GNG7: variants seen among roughly 807,000 people sequenced by gnomAD.
GNG7 encodes the protein G protein subunit gamma 7.
A neutral mutation model predicts 4.0 loss-of-function variants in GNG7; 1 was observed. The ratio of observed to expected loss-of-function variants is 0.25; its 90% CI spans 0.09 to 1.18. The LOEUF is 1.18. Ranked by LOEUF, GNG7 falls within the 50% of genes most tolerant of loss-of-function variation. GNG7 has a pLI of 0.50. For missense variants in GNG7, 86 were observed against 91.9 expected (o/e 0.94, Z 0.26); for synonymous variants, 34 against 36.9 (o/e 0.92, Z 0.29).
At chr19:2,564,106 T>C (rs1979829195) in intron 2 of GNG7, among the ~76,000 whole-genome samples, 1 of 152,094 alleles carries the variant, frequency 6.6e-6, no homozygotes, top group Non-Finnish European at 1.5e-5. Context: ...AAAAAGAATG[T>C]GTATTGAATG....
intron 2 of GNG7, among the ~76,000 whole-genome samples, chr19:2,625,375 GTTTTTA>G (rs1981994824): frequency 1.3e-5 from 2 of 152,046 alleles, no homozygotes; most frequent in Admixed American, 6.6e-5. Context: ...CCCAGCCAGG[GTTTTTA>G]TTTTTATTTT....
chr19:2,543,986 C>A (rs1160363337), intron 3 of GNG7, among the ~76,000 whole-genome samples: 1 of 151,584 alleles, frequency 6.6e-6, no homozygotes, highest in Admixed American at 6.6e-5. Context: ...GGCAATCCCC[C>A]ACCTCTCACC....
intron 2 of GNG7, among the ~76,000 whole-genome samples, chr19:2,587,609 G>C (rs941244250): frequency 2.0e-5 from 3 of 152,134 alleles, no homozygotes; most frequent in African/African-American, 7.2e-5. Context: ...GGGGAGGCAG[G>C]CCTGGGCTGC....
chr19:2,658,693 T>C (rs1416771971), intron 1 of GNG7, among the ~76,000 whole-genome samples: 1 of 152,220 alleles, frequency 6.6e-6, no homozygotes, highest in Non-Finnish European at 1.5e-5. Flanking sequence ...AACTCCACGC[T>C]TAGGAGGTCC....
chr19:2,557,197 A>C lies in GNG7; in HGVS notation c.-77-2009T>G, dbSNP rs566260427. 6.6e-6 allele frequency among the ~76,000 whole-genome samples: 1 copy of C among 151,634 alleles called. No individual in the cohort carries two copies. The highest frequency in any genetic ancestry group is 6.6e-5 in the Admixed American group (1 of 15,238). ...ACGTACACACAAGACACGTGCACACACATTTGCATGCACACACAGACACAC... is the reference window on the plus strand; with the variant it reads ...ACGTACACACAAGACACGTGCACACCCATTTGCATGCACACACAGACACAC... On this transcript the variant is annotated intron_variant, in intron 2 of 4. Coordinates refer to ENST00000382159, the MANE Select transcript of GNG7 (RefSeq NM_052847.3). The surrounding 1 kb of genome is among the most constrained non-coding windows in gnomAD (Gnocchi z 5.1).
chr19:2,512,175 C>T lies in GNG7; in HGVS notation c.*2847G>A. The stretch of plus-strand genomic sequence containing the variant: ...CCCCCAAGGCTAGAGCTGCTGCTGC[C>T]ACCCCCGCCCGCCAGCTCCCCGTCT... On this transcript the variant is annotated 3_prime_UTR_variant, in exon 5 of 5. Coordinates refer to ENST00000382159, the MANE Select transcript of GNG7 (RefSeq NM_052847.3). The surrounding 1 kb of genome is among the most constrained non-coding windows in gnomAD (Gnocchi z 4.7). The T allele has an allele frequency of 1.0e-6, 1 of 985,878 alleles. No individual in the cohort carries two copies. Among genetic ancestry groups the T allele is most frequent in the East Asian group, 1.1e-4 (1 of 8,810 alleles). The allele number at this position is 985,878 out of a possible 1,614,324, so 61.1% of individuals were successfully genotyped here.
intron 1 of GNG7, among the ~76,000 whole-genome samples, chr19:2,683,277 C>T (rs943010271): frequency 6.6e-6 from 1 of 151,432 alleles, no homozygotes; most frequent in Non-Finnish European, 1.5e-5. Flanking sequence ...CTATGTTGCC[C>T]TAGGCCAGCC....
Position 2,701,473 on chromosome 19 carries a change from C to T in GNG7, c.-135+1173G>A, listed in dbSNP as rs80022112. The stretch of plus-strand genomic sequence containing the variant: ...ACAAGCTCCCCATTTCCCCTGATAG[C>T]CCCCAGACCCTTTCTGGAACAAGCC... On this transcript the variant is annotated intron_variant, in intron 1 of 4. Transcript: ENST00000382159. 5.3e-3 allele frequency among the ~76,000 whole-genome samples: 789 copies of T among 149,018 alleles called. 7 individuals are homozygous for T. Among genetic ancestry groups the T allele is most frequent in the African/African-American group, 0.018 (738 of 40,262 alleles).
At chr19:2,693,254 C>T (rs1463080883) in intron 1 of GNG7, among the ~76,000 whole-genome samples, 4 of 138,358 alleles carry the variant, frequency 2.9e-5, no homozygotes, top group Admixed American at 1.5e-4. Context: ...CCTATCTTTA[C>T]AAAAAAAAAA....
rs758748160 is a variant in GNG7 at position 2,626,355 on chromosome 19, T to G, written c.-78+19869A>C. Among the ~76,000 whole-genome samples the G allele has an allele frequency of 1.3e-5, 2 of 152,042 alleles. No homozygotes were observed. The highest frequency in any genetic ancestry group is 2.9e-5 in the Non-Finnish European group (2 of 67,976). On this transcript the variant is annotated intron_variant, in intron 2 of 4. Transcript: ENST00000382159. This position sits in a 1 kb window ranked among gnomAD's most constrained non-coding sequence, Gnocchi z 5.0. ...ATCTCTCACCCCCTCTGTGCCTCAG[T>G]TTCCTAATCTGTCACACAGGGAGGC...
At chr19:2,549,009 T>C (rs1302475151) in intron 3 of GNG7, among the ~76,000 whole-genome samples, 2 of 152,158 alleles carry the variant, frequency 1.3e-5, no homozygotes, top group African/African-American at 4.8e-5. Context: ...CCTGGGTCCC[T>C]GTTCCTGCCA....
intron 2 of GNG7, among the ~76,000 whole-genome samples, chr19:2,573,987 G>T (rs568354699): frequency 6.6e-6 from 1 of 152,228 alleles, no homozygotes. Flanking sequence ...CAGCTGCTGC[G>T]AGGTACGGCC....
chr19:2,592,741 A>AAGGGAAGGGG (rs1555696356), intron 2 of GNG7, among the ~76,000 whole-genome samples: 4,501 of 62,990 alleles, frequency 0.071, 571 homozygotes, highest in African/African-American at 0.27. Context: ...AGAGGGAAGG[A>AAGGGAAGGGG]AGGGGAGGGG....
chr19:2,639,974 GGGAGGGAGGGAAGGAAGAAAGAAGA>G (rs1268670146), intron 2 of GNG7, among the ~76,000 whole-genome samples: 1 of 66,904 alleles, frequency 1.5e-5, no homozygotes, highest in African/African-American at 6.2e-5. Context: ...GGAAGGAGGG[GGGAGGGAGGGAAGGAAGAAAGAAGA>G]GAGGGAGGGA....
At chr19:2,575,317 C>T (rs994063402) in intron 2 of GNG7, among the ~76,000 whole-genome samples, 1 of 152,188 alleles carries the variant, frequency 6.6e-6, no homozygotes, top group African/African-American at 2.4e-5. Context: ...TCAAGCAATC[C>T]TCCTGCCTCG....
chr19:2,573,521 A>G (rs1348582881), intron 2 of GNG7, among the ~76,000 whole-genome samples: 1 of 152,090 alleles, frequency 6.6e-6, no homozygotes, highest in Non-Finnish European at 1.5e-5. Context: ...AGAACGATCT[A>G]AAAGTGGGAT....
intron 1 of GNG7, among the ~76,000 whole-genome samples, chr19:2,689,311 G>C (rs1184422604): frequency 6.6e-6 from 1 of 151,630 alleles, no homozygotes; most frequent in Non-Finnish European, 1.5e-5. Context: ...TCTCATTATG[G>C]AGGCTACAGG....
Position 2,513,567 on chromosome 19 carries a change from C to T in GNG7, c.*1455G>A, listed in dbSNP as rs906027834. 14 of 985,534 alleles carry T rather than the reference C, an allele frequency of 1.4e-5. No individual in the cohort carries two copies. Among genetic ancestry groups the T allele is most frequent in the Non-Finnish European group, 1.6e-5 (13 of 830,010 alleles). The allele number at this position is 985,534 out of a possible 1,614,324, so 61.0% of individuals were successfully genotyped here. A position where few individuals can be genotyped will look rare whatever the true frequency, so the allele number is the denominator to read the frequency against. ...TTCCACTTGCCGCTGGGAGGAGTGGCCCATCCTGCGTCTAAGGCATCTCCC... is the reference window on the plus strand; with the variant it reads ...TTCCACTTGCCGCTGGGAGGAGTGGTCCATCCTGCGTCTAAGGCATCTCCC... On this transcript the variant is annotated 3_prime_UTR_variant, in exon 5 of 5. Coordinates refer to ENST00000382159, the MANE Select transcript of GNG7 (RefSeq NM_052847.3).
At chr19:2,624,824 TCCAGCCCATC>T (rs1207265920) in intron 2 of GNG7, among the ~76,000 whole-genome samples, 1 of 152,160 alleles carries the variant, frequency 6.6e-6, no homozygotes, top group African/African-American at 2.4e-5. Flanking sequence ...CCCGAGCCCC[TCCAGCCCATC>T]CCACAGGCTC....
Sources: gnomAD v4.1 joint callset for allele counts (sites outside exome capture counted in the v4.1 genomes callset) on GRCh38, gnomAD v4.1.1 for gene constraint, Gnocchi (gnomAD v3.1) non-coding constraint, MANE v1.5 for transcripts, NCBI Gene and HGNC (gene_info 2026-07-23, HGNC 2026-07-21) for gene names.